SCN7A: variants seen among roughly 807,000 people sequenced by gnomAD.
SCN7A encodes the protein sodium channel protein type 7 subunit alpha.
A neutral mutation model predicts 155.2 loss-of-function variants in SCN7A; 138 were observed. The observed-to-expected ratio is 0.89, with a 90% CI of 0.77 to 1.02. SCN7A has a LOEUF of 1.02. Ranked by LOEUF, SCN7A falls within the 50% of genes least tolerant of loss-of-function variation. The pLI is 0.00. For missense variants in SCN7A, 2,058 were observed against 1,986.6 expected (o/e 1.04, Z -0.68); for synonymous variants, 693 against 649.0 (o/e 1.07, Z -1.03).
intron 3 of SCN7A, among the ~76,000 whole-genome samples, chr2:166,475,203 C>T (rs1702771095): frequency 6.9e-6 from 1 of 145,046 alleles, no homozygotes; most frequent in African/African-American, 2.5e-5. Flanking sequence ...GAAAAAAAAT[C>T]TTATTGTGGG....
At chr2:166,445,042 G>T (rs1485950991) in intron 12 of SCN7A, 42 bp from the exon 13 acceptor site, 2 of 1,283,948 alleles carry the variant, frequency 1.6e-6, no homozygotes, top group South Asian at 1.3e-5. Flanking sequence ...CTGGCCGGGT[G>T]CAGTGGCTCA....
At chr2:166,444,723 G>T in intron 13 of SCN7A, 39 bp downstream of exon 13, 1 of 1,184,234 alleles carries the variant, frequency 8.4e-7, no homozygotes, top group South Asian at 1.4e-5. Context: ...TGATAACTAA[G>T]AAACTGCAAA....
intron 5 of SCN7A, 139 bp downstream of exon 5, chr2:166,473,660 C>T (rs988647663): frequency 4.2e-6 from 1 of 236,664 alleles, no homozygotes; most frequent in African/African-American, 2.3e-5. Flanking sequence ...GAAATATTAT[C>T]TTAATCATTA....
At chr2:166,414,269 C>T (rs182974119) in intron 21 of SCN7A, among the ~76,000 whole-genome samples, 3,247 of 25,092 alleles carry the variant, frequency 0.13, 211 homozygotes, top group Middle Eastern at 0.2. Context: ...TATATACACA[C>T]ACATATATAT....
chr2:166,412,516 A>G lies in SCN7A; in HGVS notation c.3606+14T>C. On this transcript the variant is annotated intron_variant, in intron 23 of 25. Transcript: ENST00000643258. ...TTCTCAGACATTGGATAAACAAATA[A>G]TATTTATACTTATCTTTATTTTATG... 1 of 1,428,348 alleles carries G rather than the reference A, an allele frequency of 7.0e-7. No homozygotes were observed. Among genetic ancestry groups the G allele is most frequent in the East Asian group, 2.8e-5 (1 of 36,036 alleles). 88.5% of individuals were successfully genotyped at this position (1,428,348 alleles called of 1,614,324 possible).
intron 23 of SCN7A, 147 bp downstream of exon 23, chr2:166,412,383 A>G: frequency 3.1e-6 from 3 of 977,238 alleles, no homozygotes; most frequent in Non-Finnish European, 4.0e-6. Context: ...GTGCAGGAAC[A>G]TTAATCATGA....
At chr2:166,468,808 A>C (rs1702592110) in intron 7 of SCN7A, among the ~76,000 whole-genome samples, 1 of 151,806 alleles carries the variant, frequency 6.6e-6, no homozygotes, top group Admixed American at 6.6e-5. Flanking sequence ...CTAGTGTCTC[A>C]ACTTCCCTGC....
intron 25 of SCN7A, among the ~76,000 whole-genome samples, chr2:166,407,274 G>A (rs956703846): frequency 6.6e-6 from 1 of 151,958 alleles, no homozygotes; most frequent in Non-Finnish European, 1.5e-5. Flanking sequence ...GAACTTTTTT[G>A]TAGCTGTGGT....
intron 15 of SCN7A, among the ~76,000 whole-genome samples, chr2:166,433,163 C>T (rs1701770156): frequency 6.6e-6 from 1 of 152,052 alleles, no homozygotes; most frequent in Admixed American, 6.6e-5. Flanking sequence ...ACTTTTCACA[C>T]AAAAATTGCA....
intron 7 of SCN7A, among the ~76,000 whole-genome samples, chr2:166,469,869 T>C (rs564770695): frequency 1.1e-4 from 16 of 152,066 alleles, no homozygotes; most frequent in Non-Finnish European, 1.9e-4. Context: ...ATGTGTACAA[T>C]GTGGTCTTCT....
Position 166,432,527 on chromosome 2 carries a change from G to T in SCN7A, c.2383C>A (p.Leu795Ile), listed in dbSNP as rs759959374. 6.2e-7 allele frequency: 1 copy of T among 1,613,570 alleles called. No individual in the cohort carries two copies. The highest frequency in any genetic ancestry group is 8.5e-7 in the Non-Finnish European group (1 of 1,179,638). Residue 795 changes from leucine to isoleucine, a missense_variant, in exon 16 of 26, where the codon CTT (leucine) becomes ATT (isoleucine). Coordinates refer to ENST00000643258, the MANE Select transcript of SCN7A (RefSeq NM_002976.4). Reference protein sequence around the residue: ...YVKEDISDHTLSELSNTQDFL... With the variant: ...YVKEDISDHTISELSNTQDFL... ...TCTTGGGTGTTGCTCAATTCAGAAA[G>T]GGTATGGTCAGAAATATCTTCTTTA... is the stretch of plus-strand genomic sequence containing the variant.
chr2:166,454,415 A>T (rs11680374), intron 11 of SCN7A, among the ~76,000 whole-genome samples: 20,424 of 152,150 alleles, frequency 0.13, 1,412 homozygotes, highest in East Asian at 0.21. Context: ...GTAGCTATAG[A>T]GTCATTCAGT....
chr2:166,444,878 C>T lies in SCN7A; in HGVS notation c.1510G>A (p.Ala504Thr). 6.2e-7 allele frequency: 1 copy of T among 1,612,012 alleles called. No homozygotes were observed. Among genetic ancestry groups the T allele is most frequent in the East Asian group, 2.2e-5 (1 of 44,814 alleles). ...LKEFVHRIIM[A>T]PFTDLFLIIC... The stretch of plus-strand genomic sequence containing the variant: ...ATAAGGAAAAGATCAGTAAATGGTG[C>T]CATTATAATCCTATGGACAAACTCT... The change falls in exon 13 of 26, where the codon GCA becomes ACA. Residue 504 changes from alanine (A) to threonine (T), a missense_variant. Transcript: ENST00000643258.
chr2:166,407,071 C>T (rs1039548559), intron 25 of SCN7A, among the ~76,000 whole-genome samples: 4 of 151,962 alleles, frequency 2.6e-5, no homozygotes, highest in Middle Eastern at 3.2e-3. Flanking sequence ...TGATTTCTGT[C>T]TTCAGGAACC....
chr2:166,479,211 T>TGTG (rs1702866926), intron 2 of SCN7A, among the ~76,000 whole-genome samples: 1 of 152,136 alleles, frequency 6.6e-6, no homozygotes, highest in Admixed American at 6.6e-5. Context: ...TCAGAATTTT[T>TGTG]CACTGTTGTG....
intron 6 of SCN7A, 41 bp from the exon 7 acceptor site, chr2:166,470,747 T>A (rs1437864300): frequency 2.6e-6 from 4 of 1,526,926 alleles, no homozygotes; most frequent in Non-Finnish European, 1.8e-6. Flanking sequence ...TCATATTACA[T>A]CTGTGCTACT....
intron 13 of SCN7A, among the ~76,000 whole-genome samples, chr2:166,444,495 T>C (rs1049518148): frequency 6.6e-6 from 1 of 152,210 alleles, no homozygotes; most frequent in Non-Finnish European, 1.5e-5. Flanking sequence ...AATTTCCATG[T>C]AATGTAACTG....
chr2:166,426,246 AG>A (rs752314354), intron 18 of SCN7A, among the ~76,000 whole-genome samples: 4 of 152,142 alleles, frequency 2.6e-5, no homozygotes, highest in Non-Finnish European at 5.9e-5. Flanking sequence ...ATACTAAAAT[AG>A]GTTGACTATA....
chr2:166,493,588 TAGA>T (rs753456941), intron 1 of SCN7A, among the ~76,000 whole-genome samples: 9 of 152,240 alleles, frequency 5.9e-5, no homozygotes, highest in Non-Finnish European at 1.2e-4. Flanking sequence ...ATAGGATTCT[TAGA>T]AGAAGTGTAC....
Sources: allele counts gnomAD v4.1 joint callset (sites outside exome capture counted in the v4.1 genomes callset), GRCh38; gene constraint gnomAD v4.1.1; transcripts MANE v1.5; gene names NCBI Gene and HGNC (gene_info 2026-07-23, HGNC 2026-07-21).